Variants in ROR2 observed in about 807,000 individuals in gnomAD.
ROR2 encodes the protein ROR family WNT receptor 2, also known as tyrosine-protein kinase transmembrane receptor ROR2.
Under a neutral mutation model 74.9 loss-of-function variants are expected in ROR2, and 33 were observed. That is an observed-to-expected ratio of 0.44 (90% CI 0.33 to 0.59). ROR2 has a LOEUF of 0.59. Among genes scored for constraint, ROR2 ranks in the 20% least tolerant of loss-of-function variants. ROR2 has a pLI of 0.02. For synonymous variants in ROR2, 586 were observed against 558.7 expected (o/e 1.05, Z -0.69); for missense variants, 1,216 against 1,313.8 (o/e 0.93, Z 1.15).
At chr9:91,843,133 G>A (rs559405280) in intron 1 of ROR2, among the ~76,000 whole-genome samples, 1 of 152,180 alleles carries the variant, frequency 6.6e-6, no homozygotes, top group Non-Finnish European at 1.5e-5. Flanking sequence ...GCATGTTGGA[G>A]CTGGAGGGAG....
At chr9:91,782,520 C>G (rs112729484) in intron 1 of ROR2, among the ~76,000 whole-genome samples, 9 of 144,576 alleles carry the variant, frequency 6.2e-5, no homozygotes, top group African/African-American at 2.3e-4. Flanking sequence ...CTGGGCCACA[C>G]TGGAAGAAGA....
At chr9:91,830,666 C>T (rs1036437339) in intron 1 of ROR2, among the ~76,000 whole-genome samples, 6 of 143,232 alleles carry the variant, frequency 4.2e-5, no homozygotes, top group Admixed American at 7.2e-5. Flanking sequence ...AATGGAGCTT[C>T]GAGTTTATTT....
intron 1 of ROR2, among the ~76,000 whole-genome samples, chr9:91,830,455 G>A (rs1242953238): frequency 6.6e-6 from 1 of 152,164 alleles, no homozygotes; most frequent in Non-Finnish European, 1.5e-5. Flanking sequence ...CTGGGCAACA[G>A]AGTGAGACTC....
chr9:91,909,710 G>A (rs923171639), intron 1 of ROR2, among the ~76,000 whole-genome samples: 2 of 151,188 alleles, frequency 1.3e-5, no homozygotes, highest in East Asian at 1.9e-4. Flanking sequence ...TCCATCTATG[G>A]GTTTTAATAT....
chr9:91,724,888 CGTT>C lies in ROR2; in HGVS notation c.1603_1605del (p.Asn535del), dbSNP rs768794748. 6.2e-7 allele frequency: 1 copy of C among 1,605,552 alleles called. No homozygotes were observed. Among genetic ancestry groups the C allele is most frequent in the African/African-American group, 1.3e-5 (1 of 74,902 alleles). ...GTCACCACGCCCAGCAGGCAGACGA[CGTT>C]GGGGTGTTGCAGCCGTGCTCGCAGC... On this transcript the variant is annotated inframe_deletion, in exon 9 of 9. Coordinates refer to ENST00000375708, the MANE Select transcript of ROR2 (RefSeq NM_004560.4).
intron 4 of ROR2, among the ~76,000 whole-genome samples, chr9:91,749,040 GA>G (rs907250699): frequency 7.8e-4 from 119 of 151,672 alleles, no homozygotes; most frequent in African/African-American, 2.4e-3. Context: ...AGAAAGGAAA[GA>G]AAAAAAATAA....
intron 1 of ROR2, among the ~76,000 whole-genome samples, chr9:91,887,785 T>TC (rs1491136660): frequency 1.8e-5 from 2 of 111,274 alleles, no homozygotes; most frequent in Non-Finnish European, 3.4e-5. Flanking sequence ...ACACTTTTTT[T>TC]CTCTTTTTTT....
chr9:91,847,308 C>T (rs1828961946), intron 1 of ROR2, among the ~76,000 whole-genome samples: 1 of 152,198 alleles, frequency 6.6e-6, no homozygotes, highest in South Asian at 2.1e-4. Flanking sequence ...ACTTTCCCTC[C>T]CTCCTGGACC....
chr9:91,770,685 T>C (rs755454815), intron 2 of ROR2, among the ~76,000 whole-genome samples: 1 of 152,072 alleles, frequency 6.6e-6, no homozygotes, highest in Admixed American at 6.5e-5. Flanking sequence ...CCTAGCAGAG[T>C]TGCATGGCAC....
chr9:91,820,020 G>A (rs1384924823), intron 1 of ROR2, among the ~76,000 whole-genome samples: 2 of 152,196 alleles, frequency 1.3e-5, no homozygotes, highest in Non-Finnish European at 2.9e-5. Context: ...GTGCACACCT[G>A]TCATATGAAG....
chr9:91,859,021 CTG>C (rs1366160662), intron 1 of ROR2, among the ~76,000 whole-genome samples: 1 of 152,026 alleles, frequency 6.6e-6, no homozygotes, highest in Non-Finnish European at 1.5e-5. Context: ...AGAACAAATG[CTG>C]GGAAGGCCTA....
intron 1 of ROR2, among the ~76,000 whole-genome samples, chr9:91,854,475 C>T (rs998978421): frequency 7.9e-5 from 12 of 152,238 alleles, no homozygotes; most frequent in African/African-American, 1.7e-4. Context: ...AGACAGTACT[C>T]CATTTGCAGA....
At chr9:91,911,262 T>C (rs1345746868) in intron 1 of ROR2, among the ~76,000 whole-genome samples, 1 of 152,222 alleles carries the variant, frequency 6.6e-6, no homozygotes, top group Admixed American at 6.5e-5. Context: ...GAGAAATGCG[T>C]CTTCAGGCCA....
In ROR2 at chr9:91,752,065, G is replaced by A. The variant is rs545691702; in HGVS notation, c.494+4006C>T. ...AATCACTTGAATCACTGCATACACC[G>A]GAATAGCTACACTTAAAAAGGCTGA... On this transcript the variant is annotated intron_variant, in intron 4 of 8. Coordinates refer to ENST00000375708, the MANE Select transcript of ROR2 (RefSeq NM_004560.4). Among the ~76,000 whole-genome samples, 8 of 152,288 alleles carry A rather than the reference G, an allele frequency of 5.3e-5. No individual in the cohort carries two copies. In the East Asian group the frequency reaches 5.8e-4, roughly 11 times the overall value.
intron 1 of ROR2, among the ~76,000 whole-genome samples, chr9:91,916,433 C>T (rs1831137316): frequency 1.3e-5 from 2 of 152,328 alleles, no homozygotes; most frequent in Admixed American, 1.3e-4. Flanking sequence ...TGATGCACTC[C>T]CTGCAGGGAG....
intron 1 of ROR2, among the ~76,000 whole-genome samples, chr9:91,857,643 T>C (rs1461224579): frequency 1.3e-5 from 2 of 151,796 alleles, no homozygotes; most frequent in East Asian, 1.9e-4. Flanking sequence ...GACGAGGGGG[T>C]GGCAAGCCCG....
intron 2 of ROR2, among the ~76,000 whole-genome samples, chr9:91,769,276 C>T (rs1826153316): frequency 3.9e-5 from 6 of 152,132 alleles, no homozygotes; most frequent in Admixed American, 3.9e-4. Flanking sequence ...ACACTGGGCT[C>T]AGTGCAAGCC....
chr9:91,744,825 A>T (rs1825356901), intron 4 of ROR2, among the ~76,000 whole-genome samples: 1 of 152,224 alleles, frequency 6.6e-6, no homozygotes, highest in South Asian at 2.1e-4. Flanking sequence ...CCTGGGAAGT[A>T]AATTTTATTT....
intron 7 of ROR2, among the ~76,000 whole-genome samples, chr9:91,730,505 T>C (rs1276667970): frequency 6.6e-6 from 1 of 152,150 alleles, no homozygotes; most frequent in Admixed American, 6.5e-5. Context: ...CTGCTGTCCA[T>C]GCTGGAGTGC....
Sources: allele counts gnomAD v4.1 joint callset (sites outside exome capture counted in the v4.1 genomes callset), GRCh38; gene constraint gnomAD v4.1.1; transcripts MANE v1.5; gene names NCBI Gene and HGNC (gene_info 2026-07-23, HGNC 2026-07-21).